NGEF: variants seen among roughly 807,000 people sequenced by gnomAD.
NGEF encodes the protein ephexin-1.
Under a neutral mutation model 80.9 loss-of-function variants are expected in NGEF, and 31 were observed. The observed-to-expected ratio is 0.38, with a 90% confidence interval of 0.29 to 0.52. The LOEUF is 0.52. Ranked by LOEUF, NGEF falls within the 20% of genes least tolerant of loss-of-function variation. The pLI is 0.84. For missense variants in NGEF, 709 were observed against 926.2 expected (o/e 0.77, Z 3.04); for synonymous variants, 371 against 370.2 (o/e 1.00, Z -0.03).
intron 1 of NGEF, among the ~76,000 whole-genome samples, chr2:232,993,153 A>AT (rs1559238286): frequency 9.2e-4 from 78 of 84,968 alleles, no homozygotes; most frequent in African/African-American, 3.1e-3. Context: ...ATATATGGGC[A>AT]AATATATATA....
At chr2:232,992,493 G>A (rs549199504) in intron 1 of NGEF, among the ~76,000 whole-genome samples, 1 of 152,248 alleles carries the variant, frequency 6.6e-6, no homozygotes, top group South Asian at 2.1e-4. Context: ...GGGAGACAGA[G>A]GTTACAGTGA....
chr2:233,010,559 CTCA>C (rs1199534205), intron 1 of NGEF, among the ~76,000 whole-genome samples: 1 of 151,248 alleles, frequency 6.6e-6, no homozygotes, highest in African/African-American at 2.5e-5. Context: ...GCCCATCCTC[CTCA>C]TTTGAACGTG....
At chr2:232,983,384 C>T (rs1205307955) in intron 1 of NGEF, among the ~76,000 whole-genome samples, 1 of 151,906 alleles carries the variant, frequency 6.6e-6, no homozygotes, top group African/African-American at 2.4e-5. Context: ...GGACCAAGAC[C>T]AGGGCAGAAG....
At chr2:232,888,205 GC>G (rs968350733) in intron 8 of NGEF, 98 bp from the exon 9 acceptor site, 81 of 811,010 alleles carry the variant, frequency 1.0e-4, no homozygotes, top group Non-Finnish European at 2.2e-5. Flanking sequence ...CACCAGTCCA[GC>G]CCCATGCTGC....
At chr2:232,972,682 C>T (rs975748740) in intron 2 of NGEF, among the ~76,000 whole-genome samples, 2 of 151,544 alleles carry the variant, frequency 1.3e-5, no homozygotes, top group African/African-American at 4.8e-5. Flanking sequence ...AGCACAGCCA[C>T]CGGGTACCTG....
chr2:233,009,467 C>T (rs985123911), intron 1 of NGEF, among the ~76,000 whole-genome samples: 19 of 151,984 alleles, frequency 1.3e-4, no homozygotes, highest in African/African-American at 4.6e-4. Flanking sequence ...TACAGGACAC[C>T]CCACTGCACC....
Position 232,899,762 on chromosome 2 carries a change from ACAGT to A in NGEF, c.829-4850_829-4847del, listed in dbSNP as rs1443439384. The stretch of plus-strand genomic sequence containing the variant: ...CACATTCACTTACACACGTGCTCTC[ACAGT>A]CACTCATATACACGTTCACTCACAT... On this transcript the variant is annotated intron_variant, in intron 5 of 14. Coordinates refer to ENST00000264051, the MANE Select transcript of NGEF (RefSeq NM_019850.3). Among the ~76,000 whole-genome samples, 316 of 140,802 alleles carry A rather than the reference ACAGT, an allele frequency of 2.2e-3. 6 individuals carry two copies. The East Asian group carries it at 0.024, about 11-fold the overall frequency. The allele number at this position is 140,802 out of a possible 152,430, so 92.4% of individuals were successfully genotyped here. A position where few individuals can be genotyped will look rare whatever the true frequency, so the allele number is the denominator to read the frequency against.
intron 6 of NGEF, chr2:232,894,543 G>A: frequency 2.3e-6 from 1 of 436,138 alleles, no homozygotes; most frequent in Non-Finnish European, 4.0e-6. Context: ...GGTGCTCATG[G>A]GAAGGGACGC....
intron 5 of NGEF, among the ~76,000 whole-genome samples, chr2:232,907,866 T>C (rs1692604816): frequency 6.6e-6 from 1 of 152,198 alleles, no homozygotes; most frequent in Non-Finnish European, 1.5e-5. Context: ...CCCCGCACTT[T>C]GGGAGGCCGA....
intron 1 of NGEF, among the ~76,000 whole-genome samples, chr2:233,011,445 G>A (rs948633007): frequency 2.0e-5 from 3 of 152,052 alleles, no homozygotes; most frequent in Non-Finnish European, 2.9e-5. Context: ...CAGCTCCTGC[G>A]CCCCTGGTAG....
chr2:232,950,547 A>G (rs951991630), intron 3 of NGEF, among the ~76,000 whole-genome samples: 1 of 151,390 alleles, frequency 6.6e-6, no homozygotes, highest in Non-Finnish European at 1.5e-5. Flanking sequence ...TCTGGGGCAG[A>G]GAGGAGCCTC....
intron 1 of NGEF, among the ~76,000 whole-genome samples, chr2:233,007,736 A>C (rs1390910702): frequency 6.6e-6 from 1 of 152,156 alleles, no homozygotes; most frequent in African/African-American, 2.4e-5. Context: ...CCTGAGCTCC[A>C]TTTCTTACCC....
intron 4 of NGEF, 91 bp downstream of exon 4, chr2:232,926,953 C>G (rs1693083297): frequency 6.5e-7 from 1 of 1,535,758 alleles, no homozygotes. Context: ...TCGTATGAAA[C>G]ACAACGGCAT....
chr2:232,938,405 G>C (rs1250788928), intron 3 of NGEF, among the ~76,000 whole-genome samples: 1 of 152,178 alleles, frequency 6.6e-6, no homozygotes, highest in Non-Finnish European at 1.5e-5. Context: ...TCGTGGATAA[G>C]ATGCTGCGAT....
chr2:232,901,818 G>A (rs2675969), intron 5 of NGEF, among the ~76,000 whole-genome samples: 106,998 of 152,164 alleles, frequency 0.7, 38,007 homozygotes, highest in Non-Finnish European at 0.76. Flanking sequence ...GGTCTAAGGC[G>A]TCCTTCCGGG....
intron 4 of NGEF, among the ~76,000 whole-genome samples, chr2:232,925,309 C>G (rs1462823467): frequency 6.6e-6 from 1 of 152,198 alleles, no homozygotes; most frequent in Admixed American, 6.5e-5. Flanking sequence ...GCACAGACCT[C>G]AAGTCTATGA....
intron 1 of NGEF, among the ~76,000 whole-genome samples, chr2:232,994,933 T>C (rs1370544267): frequency 2.3e-5 from 2 of 85,964 alleles, no homozygotes; most frequent in Admixed American, 2.4e-4. Flanking sequence ...CATACATGGA[T>C]ATATACACAC....
chr2:232,907,310 T>C (rs141174018), intron 5 of NGEF, among the ~76,000 whole-genome samples: 128 of 151,944 alleles, frequency 8.4e-4, no homozygotes, highest in African/African-American at 3.0e-3. Flanking sequence ...GTGTGAACAG[T>C]AATTCAGCAC....
chr2:232,930,328 T>C (rs1214700081), intron 3 of NGEF, among the ~76,000 whole-genome samples: 6 of 146,130 alleles, frequency 4.1e-5, no homozygotes, highest in African/African-American at 7.6e-5. Flanking sequence ...CTCTCTCTCT[T>C]TTTTTTTTTG....
Sources: gnomAD v4.1 joint callset for allele counts (sites outside exome capture counted in the v4.1 genomes callset) on GRCh38, gnomAD v4.1.1 for gene constraint, MANE v1.5 for transcripts, NCBI Gene and HGNC (gene_info 2026-07-23, HGNC 2026-07-21) for gene names.